Variants in CPNE8 observed in about 807,000 individuals in gnomAD.
CPNE8 encodes copine 8.
Under a neutral mutation model 81.5 loss-of-function variants are expected in CPNE8, and 45 were observed. That is an observed-to-expected ratio of 0.55 (90% CI 0.44 to 0.71). The LOEUF is 0.71. Ranked by LOEUF, CPNE8 falls within the 30% of genes least tolerant of loss-of-function variation. CPNE8 has a pLI of 0.00. For missense variants in CPNE8, 594 were observed against 672.1 expected, an observed-to-expected ratio of 0.88 and a Z score of 1.28; for synonymous variants, 252 against 226.3, an observed-to-expected ratio of 1.11 and a Z score of -1.02.
At chr12:38,806,345 A>T (rs1468148586) in intron 6 of CPNE8, among the ~76,000 whole-genome samples, 1 of 149,688 alleles carries the variant, frequency 6.7e-6, no homozygotes, top group Non-Finnish European at 1.5e-5. Context: ...TTGATGCAAA[A>T]ATCCTCAATA....
At chr12:38,704,826 G>GTATATATATGTTTATATATATATATATA (rs58878926) in intron 13 of CPNE8, among the ~76,000 whole-genome samples, 1 of 50,200 alleles carries the variant, frequency 2.0e-5, no homozygotes, top group Non-Finnish European at 5.5e-5. Context: ...GTATGTATGT[G>GTATATATATGTTTATATATATATATATA]TATATATATA....
chr12:38,699,207 C>T (rs1351956281), intron 14 of CPNE8, among the ~76,000 whole-genome samples: 2 of 152,116 alleles, frequency 1.3e-5, no homozygotes, highest in East Asian at 3.8e-4. Context: ...TTTTGCACTT[C>T]TTTTCTCTTG....
intron 8 of CPNE8, among the ~76,000 whole-genome samples, chr12:38,766,731 G>A (rs1269081077): frequency 6.6e-6 from 1 of 151,384 alleles, no homozygotes; most frequent in Non-Finnish European, 1.5e-5. Context: ...CAAATAACAT[G>A]TTCTCTTTAG....
intron 3 of CPNE8, among the ~76,000 whole-genome samples, chr12:38,865,256 C>T (rs926832790): frequency 2.0e-5 from 3 of 152,172 alleles, no homozygotes; most frequent in African/African-American, 7.2e-5. Context: ...AGAAAATATG[C>T]ATTCCCCCTA....
intron 1 of CPNE8, among the ~76,000 whole-genome samples, chr12:38,875,213 G>A (rs1944049998): frequency 6.6e-6 from 1 of 152,142 alleles, no homozygotes; most frequent in African/African-American, 2.4e-5. Flanking sequence ...CTCAGTGGTA[G>A]TAATGCAGTC....
intron 6 of CPNE8, among the ~76,000 whole-genome samples, chr12:38,826,608 T>G (rs1943197546): frequency 6.6e-6 from 1 of 152,172 alleles, no homozygotes; most frequent in Non-Finnish European, 1.5e-5. Flanking sequence ...CAAGAATTTA[T>G]TTTTGCTGGT....
intron 6 of CPNE8, among the ~76,000 whole-genome samples, chr12:38,811,282 A>T (rs1450871574): frequency 6.6e-6 from 1 of 151,286 alleles, no homozygotes; most frequent in Non-Finnish European, 1.5e-5. Flanking sequence ...TCTGTTTATA[A>T]TTCATAAAAT....
chr12:38,791,463 G>C (rs1049056966), intron 6 of CPNE8, among the ~76,000 whole-genome samples: 4 of 151,068 alleles, frequency 2.6e-5, no homozygotes, highest in Non-Finnish European at 5.9e-5. Flanking sequence ...AAACTTATTG[G>C]TTGAAAAAAA....
chr12:38,759,669 G>A (rs1444418449), intron 10 of CPNE8, among the ~76,000 whole-genome samples: 1 of 151,986 alleles, frequency 6.6e-6, no homozygotes, highest in Non-Finnish European at 1.5e-5. Context: ...ATACTTATTT[G>A]GTAGCAGCTA....
intron 10 of CPNE8, among the ~76,000 whole-genome samples, chr12:38,757,951 A>G (rs1264237409): frequency 6.6e-6 from 1 of 152,084 alleles, no homozygotes; most frequent in Non-Finnish European, 1.5e-5. Context: ...ATGAGTATTT[A>G]AAAATGCATT....
chr12:38,812,230 G>A (rs1444097164), intron 6 of CPNE8, among the ~76,000 whole-genome samples: 2 of 152,190 alleles, frequency 1.3e-5, no homozygotes, highest in African/African-American at 4.8e-5. Flanking sequence ...TCATTTGAAT[G>A]TGTCCCATCC....
At chr12:38,843,152 G>A (rs950128715) in intron 4 of CPNE8, among the ~76,000 whole-genome samples, 20 of 152,160 alleles carry the variant, frequency 1.3e-4, no homozygotes, top group African/African-American at 3.4e-4. Flanking sequence ...ACTTCATCCT[G>A]CCATTGAAAC....
chr12:38,883,009 C>A (rs1384569989), intron 1 of CPNE8, among the ~76,000 whole-genome samples: 4 of 152,138 alleles, frequency 2.6e-5, no homozygotes, highest in African/African-American at 9.7e-5. Flanking sequence ...CCAGGTGCCC[C>A]ATCACACTCA....
chr12:38,760,892 T>TACATGAGAAA lies in CPNE8; in HGVS notation c.681-14_681-5dup, dbSNP rs752030087. The TACATGAGAAA allele has an allele frequency of 1.7e-5, 26 of 1,554,298 alleles. No individual in the cohort carries two copies. The highest frequency in any genetic ancestry group is 2.2e-5 in the Non-Finnish European group (26 of 1,158,430). On this transcript the variant is annotated splice_polypyrimidine_tract_variant and splice_region_variant and intron_variant, in intron 9 of 19. Coordinates refer to ENST00000331366, the MANE Select transcript of CPNE8 (RefSeq NM_153634.3). ...ATACACCTCTACTTTGATTGTTCTGTACATGAGAAAAACATACACATAAAG... is the reference window on the plus strand; with the variant it reads ...ATACACCTCTACTTTGATTGTTCTGTACATGAGAAAACATGAGAAAAACATACACATAAAG...
intron 6 of CPNE8, among the ~76,000 whole-genome samples, chr12:38,808,940 A>T (rs1942879091): frequency 6.6e-6 from 1 of 152,158 alleles, no homozygotes; most frequent in East Asian, 1.9e-4. Flanking sequence ...TGCTAATTAA[A>T]ATATATGATA....
intron 6 of CPNE8, among the ~76,000 whole-genome samples, chr12:38,792,297 GT>G (rs34511928): frequency 0.014 from 2,099 of 145,930 alleles, 27 homozygotes; most frequent in South Asian, 0.044. Context: ...GAAACTAAGA[GT>G]TTTTTTTTTT....
chr12:38,769,142 T>C (rs117220938), intron 7 of CPNE8, among the ~76,000 whole-genome samples: 2,135 of 152,310 alleles, frequency 0.014, 16 homozygotes, highest in Non-Finnish European at 0.021. Flanking sequence ...TGGAATAGGG[T>C]AATGAACAAG....
At chr12:38,807,668 T>A (rs185880008) in intron 6 of CPNE8, among the ~76,000 whole-genome samples, 12,154 of 151,368 alleles carry the variant, frequency 0.08, 636 homozygotes, top group East Asian at 0.28. Flanking sequence ...AACCTAGGCA[T>A]TACTATTCAG....
At chr12:38,710,277 A>AAACAAAAC (rs1204681235) in intron 13 of CPNE8, among the ~76,000 whole-genome samples, 2 of 148,702 alleles carry the variant, frequency 1.3e-5, no homozygotes, top group Admixed American at 6.7e-5. Context: ...ACAAAAAAAA[A>AAACAAAAC]AAAAAAAAAA....
Sources: allele counts gnomAD v4.1 joint callset (sites outside exome capture counted in the v4.1 genomes callset), GRCh38; gene constraint gnomAD v4.1.1; transcripts MANE v1.5; gene names NCBI Gene and HGNC (gene_info 2026-07-23, HGNC 2026-07-21).